SCRG1: variants seen among roughly 807,000 people sequenced by gnomAD.
SCRG1 encodes the protein scrapie-responsive protein 1.
SCRG1 carries 3 observed loss-of-function variants against 7.7 expected under a neutral mutation model. The observed-to-expected ratio is 0.39, with a 90% CI of 0.18 to 1.01. The LOEUF is 1.01. SCRG1 is among the 50% of genes least tolerant of loss of function. The probability of loss-of-function intolerance (pLI) is 0.36; values close to 1 mark genes in which losing one functional copy is unlikely to be tolerated. For missense variants in SCRG1, 110 were observed against 117.2 expected (o/e 0.94, Z 0.28); for synonymous variants, 46 against 41.2 (o/e 1.12, Z -0.44).
At chr4:173,479,951 C>A in the SCRG1 span, among the ~76,000 whole-genome samples, 6 of 152,030 alleles carry the variant, frequency 3.9e-5, no homozygotes, top group Admixed American at 3.9e-4. Context: ...ATGCCATGCA[C>A]TATGTTTTTA....
the SCRG1 span, among the ~76,000 whole-genome samples, chr4:173,413,876 A>G: frequency 5.3e-5 from 8 of 152,170 alleles, no homozygotes; most frequent in African/African-American, 1.9e-4. Context: ...CTTCTCCAAT[A>G]TCTGGATGCT....
chr4:173,460,682 C>T, the SCRG1 span, among the ~76,000 whole-genome samples: 5 of 152,196 alleles, frequency 3.3e-5, no homozygotes, highest in Admixed American at 6.5e-5. Context: ...GGTACTACAT[C>T]GAGGGCCTTG....
At chr4:173,474,671 C>T in the SCRG1 span, among the ~76,000 whole-genome samples, 1 of 152,168 alleles carries the variant, frequency 6.6e-6, no homozygotes, top group Non-Finnish European at 1.5e-5. Flanking sequence ...AGAGACTAGG[C>T]AAGTCATAGT....
the SCRG1 span, among the ~76,000 whole-genome samples, chr4:173,477,728 TTCCTTC>T: frequency 2.7e-4 from 29 of 105,736 alleles, no homozygotes; most frequent in Middle Eastern, 5.2e-3. Context: ...CCTTCCTTCC[TTCCTTC>T]CTTCCTTCCT....
At chr4:173,484,814 CATATA>C in the SCRG1 span, among the ~76,000 whole-genome samples, 4 of 54,336 alleles carry the variant, frequency 7.4e-5, no homozygotes, top group South Asian at 1.1e-3. Context: ...ATATATTATA[CATATA>C]ATATATATTA....
chr4:173,464,798 C>G, the SCRG1 span, among the ~76,000 whole-genome samples: 2 of 152,160 alleles, frequency 1.3e-5, no homozygotes, highest in South Asian at 4.1e-4. Flanking sequence ...CATCCATGTT[C>G]ATCGCAGCAT....
chr4:173,501,701 G>A, the SCRG1 span, among the ~76,000 whole-genome samples: 1 of 152,112 alleles, frequency 6.6e-6, no homozygotes, highest in Non-Finnish European at 1.5e-5. The surrounding 1 kb of genome is among the most constrained non-coding windows in gnomAD (Gnocchi z 5.1). Flanking sequence ...CAGCTGGAGC[G>A]GGCTCCCTGG....
intron 1 of SCRG1, among the ~76,000 whole-genome samples, chr4:173,398,018 A>G (rs930379748): frequency 3.3e-5 from 5 of 152,170 alleles, no homozygotes; most frequent in African/African-American, 1.2e-4. Context: ...GATGTTTTCC[A>G]CTCATCTCTC....
At chr4:173,490,509 G>A in the SCRG1 span, among the ~76,000 whole-genome samples, 1 of 152,104 alleles carries the variant, frequency 6.6e-6, no homozygotes, top group Non-Finnish European at 1.5e-5. Flanking sequence ...AGGCCCTGCG[G>A]GTCATGGACA....
chr4:173,518,009 C>T, the SCRG1 span, among the ~76,000 whole-genome samples: 1 of 152,254 alleles, frequency 6.6e-6, no homozygotes. Context: ...AACAGAGGCT[C>T]AGCAAGCTGC....
At chr4:173,475,420 T>C in the SCRG1 span, among the ~76,000 whole-genome samples, 4 of 152,180 alleles carry the variant, frequency 2.6e-5, no homozygotes, top group Admixed American at 2.0e-4. Flanking sequence ...TGACCCCAAG[T>C]GTCAAGAGCA....
In SCRG1 at chr4:173,391,421, T is replaced by C. The variant is rs2126914684; in HGVS notation, c.-7A>G. 6.2e-7 allele frequency: 1 copy of C among 1,613,874 alleles called. No individual in the cohort carries two copies. Among genetic ancestry groups the C allele is most frequent in the Middle Eastern group, 1.7e-4 (1 of 6,060 alleles). Reference sequence around the variant, plus strand: ...CAAGTACCATCAGTTTCATTTTGGCTTTTGGCCCTGAAATAGAAGAAAGAC... The same window carrying C: ...CAAGTACCATCAGTTTCATTTTGGCCTTTGGCCCTGAAATAGAAGAAAGAC... On this transcript the variant is annotated 5_prime_UTR_variant, in exon 2 of 3. Coordinates refer to ENST00000296506, the MANE Select transcript of SCRG1 (RefSeq NM_007281.4).
the SCRG1 span, among the ~76,000 whole-genome samples, chr4:173,444,740 C>A: frequency 2.0e-5 from 3 of 152,252 alleles, no homozygotes; most frequent in Admixed American, 2.0e-4. Flanking sequence ...GCAGTTAGAG[C>A]CTCTCCCTTG....
At chr4:173,480,682 C>T in the SCRG1 span, among the ~76,000 whole-genome samples, 11 of 151,862 alleles carry the variant, frequency 7.2e-5, no homozygotes, top group East Asian at 1.9e-4. Flanking sequence ...ATATGGACTG[C>T]GTATTATATG....
chr4:173,440,975 T>C, the SCRG1 span, among the ~76,000 whole-genome samples: 12 of 152,318 alleles, frequency 7.9e-5, no homozygotes, highest in South Asian at 2.1e-4. Flanking sequence ...TGATCTAATC[T>C]TAACTTGATT....
At chr4:173,428,746 G>T in the SCRG1 span, among the ~76,000 whole-genome samples, 1 of 152,176 alleles carries the variant, frequency 6.6e-6, no homozygotes, top group Non-Finnish European at 1.5e-5. Flanking sequence ...TCTATTATGT[G>T]GTGGATGTAA....
At chr4:173,427,815 G>A in the SCRG1 span, among the ~76,000 whole-genome samples, 1 of 152,296 alleles carries the variant, frequency 6.6e-6, no homozygotes, top group African/African-American at 2.4e-5. Context: ...ACTTATAGCA[G>A]GTTGCTAAAA....
chr4:173,448,605 C>T, the SCRG1 span, among the ~76,000 whole-genome samples: 1 of 152,176 alleles, frequency 6.6e-6, no homozygotes, highest in African/African-American at 2.4e-5. Context: ...TTAACATCAG[C>T]AAAATGAGGA....
At chr4:173,429,773 T>G in the SCRG1 span, among the ~76,000 whole-genome samples, 1 of 152,218 alleles carries the variant, frequency 6.6e-6, no homozygotes, top group Non-Finnish European at 1.5e-5. Flanking sequence ...ATCAAACCAG[T>G]CCACTTCCAG....
Sources: allele counts gnomAD v4.1 joint callset (sites outside exome capture counted in the v4.1 genomes callset), GRCh38; gene constraint gnomAD v4.1.1; non-coding constraint Gnocchi (gnomAD v3.1); transcripts MANE v1.5; gene names NCBI Gene and HGNC (gene_info 2026-07-23, HGNC 2026-07-21).